Variants in GRM8 observed in about 807,000 individuals in gnomAD.
GRM8 encodes the protein metabotropic glutamate receptor 8.
In GRM8, 47 loss-of-function variants were observed where a neutral mutation model predicts 87.2. That is an observed-to-expected ratio of 0.54 (90% CI 0.43 to 0.69). GRM8 has a LOEUF of 0.69. Among genes scored for constraint, GRM8 ranks in the 30% least tolerant of loss-of-function variants. The probability of loss-of-function intolerance (pLI) is 0.00; values close to 1 mark genes in which losing one functional copy is unlikely to be tolerated. For missense variants in GRM8, 1,019 were observed against 1,139.2 expected (o/e 0.89, Z 1.52); for synonymous variants, 396 against 404.5 (o/e 0.98, Z 0.25).
At chr7:126,605,688 C>G (rs957763856) in intron 8 of GRM8, among the ~76,000 whole-genome samples, 1 of 152,096 alleles carries the variant, frequency 6.6e-6, no homozygotes, top group African/African-American at 2.4e-5. Flanking sequence ...TAAATGCTTA[C>G]CACTGAGAAT....
chr7:127,116,944 C>A (rs532779750), intron 2 of GRM8, among the ~76,000 whole-genome samples: 30 of 152,162 alleles, frequency 2.0e-4, no homozygotes, highest in Non-Finnish European at 3.1e-4. Flanking sequence ...CAGGGACTTG[C>A]ATTACATTCT....
At chr7:126,659,662 T>A (rs1804930470) in intron 7 of GRM8, among the ~76,000 whole-genome samples, 1 of 152,234 alleles carries the variant, frequency 6.6e-6, no homozygotes. Flanking sequence ...CAATACATTG[T>A]GTGCTTTGCC....
intron 3 of GRM8, among the ~76,000 whole-genome samples, chr7:127,022,663 G>A (rs1348777968): frequency 2.0e-5 from 3 of 152,140 alleles, no homozygotes; most frequent in East Asian, 3.9e-4. Flanking sequence ...AAAGACATCA[G>A]AGACAGAAAG....
At chr7:127,157,677 G>A (rs1394236911) in intron 2 of GRM8, among the ~76,000 whole-genome samples, 3 of 152,228 alleles carry the variant, frequency 2.0e-5, no homozygotes, top group African/African-American at 4.8e-5. Context: ...ACACAAAAAT[G>A]TAAGTTGGTT....
chr7:126,702,677 C>G (rs1417533109), intron 7 of GRM8, among the ~76,000 whole-genome samples: 1 of 152,180 alleles, frequency 6.6e-6, no homozygotes, highest in African/African-American at 2.4e-5. Flanking sequence ...TCTAACTCCC[C>G]AGCTTCCTGA....
At chr7:127,149,935 A>C (rs1828760870) in intron 2 of GRM8, among the ~76,000 whole-genome samples, 1 of 152,006 alleles carries the variant, frequency 6.6e-6, no homozygotes, top group African/African-American at 2.4e-5. Flanking sequence ...AGGTATGTAG[A>C]ATGAAGAAGT....
intron 3 of GRM8, among the ~76,000 whole-genome samples, chr7:127,040,657 G>A (rs563319699): frequency 6.6e-6 from 1 of 151,892 alleles, no homozygotes; most frequent in Non-Finnish European, 1.5e-5. Context: ...AATAAGGACA[G>A]TGATGGCCCC....
At chr7:126,678,406 G>A (rs887115797) in intron 7 of GRM8, among the ~76,000 whole-genome samples, 2 of 152,160 alleles carry the variant, frequency 1.3e-5, no homozygotes, top group South Asian at 2.1e-4. Flanking sequence ...AGTAGCTCAC[G>A]TCTTTCATCC....
intron 6 of GRM8, among the ~76,000 whole-genome samples, chr7:126,837,135 T>C (rs78321279): frequency 0.02 from 3,051 of 152,244 alleles, 109 homozygotes; most frequent in African/African-American, 0.07. Flanking sequence ...CTTCATTTAG[T>C]CGGCATAGGC....
At chr7:127,241,705 G>T (rs1390840943) in intron 2 of GRM8, among the ~76,000 whole-genome samples, 1 of 152,090 alleles carries the variant, frequency 6.6e-6, no homozygotes, top group African/African-American at 2.4e-5. Flanking sequence ...AAAGTGCTGG[G>T]ATTACAGGCG....
At chr7:126,943,983 A>T (rs548893997) in intron 3 of GRM8, among the ~76,000 whole-genome samples, 22 of 152,336 alleles carry the variant, frequency 1.4e-4, no homozygotes, top group Admixed American at 9.1e-4. Context: ...ATGTATATTA[A>T]TATTTTTCTG....
chr7:127,215,922 G>A (rs1446814626), intron 2 of GRM8, among the ~76,000 whole-genome samples: 3 of 152,088 alleles, frequency 2.0e-5, no homozygotes, highest in Non-Finnish European at 4.4e-5. Flanking sequence ...GGTGAGGTGA[G>A]GTGTCAATCA....
intron 2 of GRM8, among the ~76,000 whole-genome samples, chr7:127,121,746 C>T (rs929307684): frequency 6.6e-6 from 1 of 152,058 alleles, no homozygotes; most frequent in African/African-American, 2.4e-5. Context: ...ACTTTTAAAC[C>T]ACCACATCTT....
At chr7:126,839,274 TACA>T (rs1796063755) in intron 6 of GRM8, among the ~76,000 whole-genome samples, 1 of 152,174 alleles carries the variant, frequency 6.6e-6, no homozygotes, top group African/African-American at 2.4e-5. Flanking sequence ...GAATAGCAGC[TACA>T]ACATCACCTG....
chr7:126,930,921 C>A (rs1805697597), intron 3 of GRM8, among the ~76,000 whole-genome samples: 1 of 152,164 alleles, frequency 6.6e-6, no homozygotes, highest in Non-Finnish European at 1.5e-5. Flanking sequence ...ATCCATCTGG[C>A]ACTCACATAC....
intron 7 of GRM8, among the ~76,000 whole-genome samples, chr7:126,743,289 C>T (rs998774723): frequency 1.5e-4 from 23 of 152,080 alleles, no homozygotes; most frequent in African/African-American, 5.6e-4. Flanking sequence ...GCTTAATGTG[C>T]TATAATGCAG....
chr7:126,467,197 A>G (rs541759023), intron 9 of GRM8, among the ~76,000 whole-genome samples: 6 of 131,940 alleles, frequency 4.5e-5, no homozygotes, highest in African/African-American at 1.8e-4. Context: ...CCCTGTGCCC[A>G]TATGTTCTCT....
At chr7:126,819,730 A>T (rs1794128507) in intron 6 of GRM8, among the ~76,000 whole-genome samples, 1 of 152,128 alleles carries the variant, frequency 6.6e-6, no homozygotes, top group African/African-American at 2.4e-5. Context: ...AATATTAACA[A>T]TGTAAATAGA....
At chr7:126,568,878 T>G (rs1409982977) in intron 8 of GRM8, among the ~76,000 whole-genome samples, 1 of 152,106 alleles carries the variant, frequency 6.6e-6, no homozygotes, top group Non-Finnish European at 1.5e-5. Flanking sequence ...ATTTGGGATC[T>G]AGCCAAGATG....
Sources: gnomAD v4.1 joint callset for allele counts (sites outside exome capture counted in the v4.1 genomes callset) on GRCh38, gnomAD v4.1.1 for gene constraint, MANE v1.5 for transcripts, NCBI Gene and HGNC (gene_info 2026-07-23, HGNC 2026-07-21) for gene names.